Variants in VEPH1 observed in about 807,000 individuals in gnomAD.
The protein encoded by VEPH1 is ventricular zone-expressed PH domain-containing protein homolog 1.
A neutral mutation model predicts 85.2 loss-of-function variants in VEPH1; 80 were observed. The observed-to-expected ratio is 0.94, with a 90% CI of 0.78 to 1.13. The LOEUF (loss-of-function observed/expected upper bound fraction) is 1.13, where lower values mean the gene tolerates loss of function less well. Among genes scored for constraint, VEPH1 ranks in the 50% most tolerant of loss-of-function variants. VEPH1 has a pLI of 0.00. For synonymous variants in VEPH1, 297 were observed against 348.0 expected (o/e 0.85, Z 1.63); for missense variants, 955 against 980.5 (o/e 0.97, Z 0.35).
chr3:157,396,994 A>C (rs1185217967), intron 6 of VEPH1, among the ~76,000 whole-genome samples: 1 of 152,068 alleles, frequency 6.6e-6, no homozygotes, highest in Non-Finnish European at 1.5e-5. Context: ...TGACATTTTC[A>C]TCATGAAATC....
intron 6 of VEPH1, among the ~76,000 whole-genome samples, chr3:157,382,314 T>C (rs1209093444): frequency 6.6e-6 from 1 of 152,172 alleles, no homozygotes; most frequent in Non-Finnish European, 1.5e-5. Flanking sequence ...CATGAGCAAA[T>C]AAGAAAATGG....
chr3:157,343,608 G>A lies in VEPH1; in HGVS notation c.1735+19756C>T, dbSNP rs544207527. On this transcript the variant is annotated intron_variant, in intron 9 of 13. Coordinates refer to ENST00000362010, the MANE Select transcript of VEPH1 (RefSeq NM_001167912.2). ...AATTCTACCAGAGGTACAAGGAGGA[G>A]CTGGTACCATTCCTTCTGAAACTAT... 5.1e-3 allele frequency among the ~76,000 whole-genome samples: 773 copies of A among 152,274 alleles called. 9 individuals carry two copies. The highest frequency in any genetic ancestry group is 0.018 in the African/African-American group (733 of 41,568).
rs184966464 is a variant in VEPH1, at chr3:157,406,809, G to A, written c.906+7072C>T. Among the ~76,000 whole-genome samples the A allele has an allele frequency of 5.3e-5, 8 of 152,202 alleles. No individual in the cohort carries two copies. The South Asian group carries it at 1.2e-3, about 24-fold the overall frequency. ...CTCTGTTTCTACCACTAGGTCTACT[G>A]CCTTGTAGGTCTGGCACAGAGGAGG... On this transcript the variant is annotated intron_variant, in intron 6 of 13. Coordinates refer to ENST00000362010, the MANE Select transcript of VEPH1 (RefSeq NM_001167912.2).
chr3:157,499,575 C>A (rs1448234302), intron 1 of VEPH1: 1 of 152,162 alleles, frequency 6.6e-6, no homozygotes, highest in Non-Finnish European at 1.5e-5. Context: ...CAGCCTGATG[C>A]CACCGGCAGC....
intron 6 of VEPH1, among the ~76,000 whole-genome samples, chr3:157,394,185 G>T (rs1295772076): frequency 6.6e-6 from 1 of 152,232 alleles, no homozygotes; most frequent in African/African-American, 2.4e-5. Flanking sequence ...TGTTCAAAAT[G>T]TCAATACATG....
chr3:157,437,480 G>A, intron 4 of VEPH1: 1 of 1,583,000 alleles, frequency 6.3e-7, no homozygotes, highest in Non-Finnish European at 8.6e-7. Flanking sequence ...AGGCCTGGGC[G>A]GGCTGCTAAC....
intron 12 of VEPH1, among the ~76,000 whole-genome samples, chr3:157,272,251 T>A (rs1714664949): frequency 4.1e-5 from 1 of 24,650 alleles, no homozygotes; most frequent in Non-Finnish European, 8.7e-5. Context: ...CTTCCTTCCT[T>A]CCTTCCTTCC....
intron 6 of VEPH1, among the ~76,000 whole-genome samples, chr3:157,413,084 C>T (rs1220046022): frequency 6.6e-6 from 1 of 152,054 alleles, no homozygotes; most frequent in Non-Finnish European, 1.5e-5. Context: ...TATTGAATAG[C>T]TAATTATATT....
chr3:157,395,589 C>T lies in VEPH1; in HGVS notation c.907-14213G>A, dbSNP rs549475079. 8.0e-4 allele frequency among the ~76,000 whole-genome samples: 122 copies of T among 152,296 alleles called. 1 individual carries two copies. Among genetic ancestry groups the T allele is most frequent in the African/African-American group, 2.9e-3 (120 of 41,556 alleles). ...ATCATATCCACTTGATTATTAAAATCCTCCTCTCCAAGGTCATCCTTTGCT... is the reference window on the plus strand; with the variant it reads ...ATCATATCCACTTGATTATTAAAATTCTCCTCTCCAAGGTCATCCTTTGCT... On this transcript the variant is annotated intron_variant, in intron 6 of 13. Transcript: ENST00000362010.
chr3:157,413,364 GA>G (rs940606683), intron 6 of VEPH1: 6 of 642,962 alleles, frequency 9.3e-6, no homozygotes, highest in African/African-American at 2.0e-5. Context: ...TCAGAGGACT[GA>G]AAACATTCTG....
intron 4 of VEPH1, among the ~76,000 whole-genome samples, chr3:157,433,326 A>C (rs1733307233): frequency 6.6e-6 from 1 of 152,156 alleles, no homozygotes; most frequent in Admixed American, 6.5e-5. Context: ...GTATGTTTCC[A>C]AGGATTTACA....
chr3:157,384,701 C>A (rs956300044), intron 6 of VEPH1, among the ~76,000 whole-genome samples: 1 of 152,192 alleles, frequency 6.6e-6, no homozygotes, highest in Non-Finnish European at 1.5e-5. Context: ...AAGTATGAAA[C>A]CAAGCCAACC....
chr3:157,364,424 G>C lies in VEPH1; in HGVS notation c.1216C>G (p.Gln406Glu). 1 of 1,613,940 alleles carries C rather than the reference G, an allele frequency of 6.2e-7. No individual in the cohort carries two copies. The highest frequency in any genetic ancestry group is 8.5e-7 in the Non-Finnish European group (1 of 1,179,944). ...VTENEDHEKLQVKIQAFEDKI... is the reference protein window; with the variant it reads ...VTENEDHEKLEVKIQAFEDKI... ...TCTTCAAAAGCCTGGATTTTAACTTGGAGTTTTTCATGGTCTTCATTTTCA... is the reference window on the plus strand; with the variant it reads ...TCTTCAAAAGCCTGGATTTTAACTTCGAGTTTTTCATGGTCTTCATTTTCA... The change falls in exon 8 of 14, where the codon CAA becomes GAA. Residue 406 changes from glutamine to glutamate, a missense_variant. Coordinates refer to ENST00000362010, the MANE Select transcript of VEPH1 (RefSeq NM_001167912.2).
intron 4 of VEPH1, among the ~76,000 whole-genome samples, chr3:157,448,202 A>G (rs1734696660): frequency 6.6e-6 from 1 of 152,142 alleles, no homozygotes; most frequent in South Asian, 2.1e-4. Flanking sequence ...AAATGAGCTG[A>G]ATTTATCATA....
At chr3:157,276,277 A>G (rs1436755970) in intron 12 of VEPH1, among the ~76,000 whole-genome samples, 1 of 152,230 alleles carries the variant, frequency 6.6e-6, no homozygotes, top group Non-Finnish European at 1.5e-5. Flanking sequence ...CTGATGCAAA[A>G]AAGCTTCAGA....
rs993820779 is a variant in VEPH1 at position 157,473,550 on chromosome 3, C to T, written c.139-3021G>A. On this transcript the variant is annotated intron_variant, in intron 2 of 13. Transcript: ENST00000362010. ...TTGGCTAGAATCTTCTATGCTATTTCACATAAAAGTGATTAGAACAAGAAT... is the reference window on the plus strand; with the variant it reads ...TTGGCTAGAATCTTCTATGCTATTTTACATAAAAGTGATTAGAACAAGAAT... 8.5e-5 allele frequency among the ~76,000 whole-genome samples: 13 copies of T among 152,124 alleles called. No homozygotes were observed. The East Asian group carries it at 2.5e-3, about 29-fold the overall frequency.
rs199818016 is a variant in VEPH1, at chr3:157,365,373, CT to C, written c.1128-862del. On this transcript the variant is annotated intron_variant, in intron 7 of 13. Coordinates refer to ENST00000362010, the MANE Select transcript of VEPH1 (RefSeq NM_001167912.2). Reference sequence around the variant, plus strand: ...GTATGGTGTTAGTATTAATTCTTTTCTTAAAAAACAAGGATAAAAGGAATTA... The same window carrying C: ...GTATGGTGTTAGTATTAATTCTTTTCTAAAAAACAAGGATAAAAGGAATTA... Among the ~76,000 whole-genome samples the C allele has an allele frequency of 4.7e-3, 719 of 152,270 alleles. 6 individuals carry two copies. Among genetic ancestry groups the C allele is most frequent in the African/African-American group, 0.017 (689 of 41,558 alleles).
At chr3:157,349,942 T>C (rs1363050022) in intron 9 of VEPH1, among the ~76,000 whole-genome samples, 1 of 152,150 alleles carries the variant, frequency 6.6e-6, no homozygotes, top group East Asian at 1.9e-4. Flanking sequence ...ATGACCATAC[T>C]AGCCAAGGCA....
At chr3:157,379,519 C>T (rs1728521306) in intron 7 of VEPH1, among the ~76,000 whole-genome samples, 1 of 152,208 alleles carries the variant, frequency 6.6e-6, no homozygotes, top group Non-Finnish European at 1.5e-5. Flanking sequence ...ACTTTTAGCA[C>T]ATCACATCCT....
Sources: allele counts gnomAD v4.1 joint callset (sites outside exome capture counted in the v4.1 genomes callset), GRCh38; gene constraint gnomAD v4.1.1; transcripts MANE v1.5; gene names NCBI Gene and HGNC (gene_info 2026-07-23, HGNC 2026-07-21).